The following CMKLR2 variants were observed in gnomAD, a reference collection of about 807,000 sequenced individuals.
CMKLR2 encodes the protein chemerin chemokine-like receptor 2.
A neutral mutation model predicts 23.0 loss-of-function variants in CMKLR2; 18 were observed. That is an observed-to-expected ratio of 0.78 (90% CI 0.54 to 1.16). The LOEUF (loss-of-function observed/expected upper bound fraction) is 1.16, where lower values mean the gene tolerates loss of function less well. CMKLR2 is among the 50% of genes most tolerant of loss of function. The pLI is 0.00. For synonymous variants in CMKLR2, 158 were observed against 158.9 expected (o/e 0.99, Z 0.05); for missense variants, 401 against 412.7 (o/e 0.97, Z 0.25).
At chr2:206,189,538 GGGA>G (rs1015587561) in intron 1 of CMKLR2, among the ~76,000 whole-genome samples, 2 of 152,104 alleles carry the variant, frequency 1.3e-5, no homozygotes, top group African/African-American at 4.8e-5. Context: ...AGGAGGCTGA[GGGA>G]GGAGAATTGC....
chr2:206,193,043 GA>G (rs1403258988), intron 1 of CMKLR2, among the ~76,000 whole-genome samples: 1 of 152,086 alleles, frequency 6.6e-6, no homozygotes, highest in Non-Finnish European at 1.5e-5. Flanking sequence ...TACAGCCATT[GA>G]TTTTTTTTCT....
intron 1 of CMKLR2, among the ~76,000 whole-genome samples, chr2:206,184,903 A>G (rs937174356): frequency 6.6e-6 from 1 of 152,230 alleles, no homozygotes; most frequent in African/African-American, 2.4e-5. Flanking sequence ...ATAAAATTAC[A>G]TTGTATATTA....
Position 206,176,520 on chromosome 2 carries a change from C to A in CMKLR2, c.728G>T (p.Arg243Met). ...CACAACCAGAATTGTCCAGAAATGC[C>A]TACTGGAGATCAGGATGCTTCGCTT... is the stretch of plus-strand genomic sequence containing the variant. ...VKKRSILISS[R>M]HFWTILVVVV... The change falls in exon 2 of 2, where the codon AGG (arginine) becomes ATG (methionine). Residue 243 changes from arginine (R) to methionine (M), a missense_variant. Coordinates refer to ENST00000621141, the MANE Select transcript of CMKLR2 (RefSeq NM_001389445.1). 1.2e-6 allele frequency: 2 copies of A among 1,614,072 alleles called. No individual in the cohort carries two copies. The highest frequency in any genetic ancestry group is 1.7e-6 in the Non-Finnish European group (2 of 1,179,992).
chr2:206,214,815 C>CG (rs1689700389), upstream of CMKLR2, among the ~76,000 whole-genome samples: 2 of 151,604 alleles, frequency 1.3e-5, no homozygotes, highest in African/African-American at 4.8e-5. Flanking sequence ...TTAGTAGAGA[C>CG]GGGGTTTCAC....
At chr2:206,206,227 G>T (rs992123095) in intron 1 of CMKLR2, among the ~76,000 whole-genome samples, 1 of 152,166 alleles carries the variant, frequency 6.6e-6, no homozygotes, top group African/African-American at 2.4e-5. Flanking sequence ...GTAAAGAACT[G>T]TAATTAAGTA....
At chr2:206,203,794 A>G (rs994587937) in intron 1 of CMKLR2, 13 of 152,378 alleles carry the variant, frequency 8.5e-5, no homozygotes, top group African/African-American at 3.1e-4. Flanking sequence ...ATGTGCCACC[A>G]TGCCCAGCTT....
intron 1 of CMKLR2, among the ~76,000 whole-genome samples, chr2:206,184,301 T>TC (rs201723251): frequency 0.026 from 3,005 of 114,896 alleles, 71 homozygotes; most frequent in African/African-American, 0.067. Context: ...TCTCTCTCTC[T>TC]TTTTTTTTTT....
At chr2:206,215,248 G>C (rs949470239), upstream of CMKLR2, among the ~76,000 whole-genome samples, 1 of 152,118 alleles carries the variant, frequency 6.6e-6, no homozygotes, top group African/African-American at 2.4e-5. Context: ...TCAGTGAAGG[G>C]GGTACTTAGT....
chr2:206,210,422 A>C (rs898895706), intron 1 of CMKLR2, among the ~76,000 whole-genome samples: 2 of 149,776 alleles, frequency 1.3e-5, no homozygotes, highest in African/African-American at 4.9e-5. Flanking sequence ...GGTTGATTCC[A>C]GGTCTTTGCT....
chr2:206,214,816 G>C (rs1195055010), upstream of CMKLR2, among the ~76,000 whole-genome samples: 1 of 151,518 alleles, frequency 6.6e-6, no homozygotes, highest in Non-Finnish European at 1.5e-5. Context: ...TAGTAGAGAC[G>C]GGGTTTCACC....
intron 1 of CMKLR2, among the ~76,000 whole-genome samples, chr2:206,184,400 G>A (rs1354186913): frequency 2.6e-5 from 4 of 151,194 alleles, no homozygotes; most frequent in East Asian, 3.9e-4. Context: ...GGTTTCAAGC[G>A]ATTCTTCTGC....
chr2:206,195,563 A>G (rs1164583051), intron 1 of CMKLR2, among the ~76,000 whole-genome samples: 1 of 152,178 alleles, frequency 6.6e-6, no homozygotes, highest in East Asian at 1.9e-4. Flanking sequence ...ATCATCCTTC[A>G]AGGGCAAGAC....
intron 1 of CMKLR2, among the ~76,000 whole-genome samples, chr2:206,196,391 A>AAAT (rs1688922208): frequency 6.6e-6 from 1 of 151,176 alleles, no homozygotes; most frequent in Admixed American, 6.6e-5. Flanking sequence ...AATAAAAATA[A>AAAT]AAATAAATAA....
At chr2:206,205,801 G>A (rs561687466) in intron 1 of CMKLR2, among the ~76,000 whole-genome samples, 123 of 152,158 alleles carry the variant, frequency 8.1e-4, no homozygotes, top group African/African-American at 2.7e-3. Flanking sequence ...CCAGGTTCAA[G>A]CGATTCTCCT....
chr2:206,188,173 C>A, intron 1 of CMKLR2, among the ~76,000 whole-genome samples: 1 of 152,134 alleles, frequency 6.6e-6, no homozygotes. Flanking sequence ...ACCTCAAGTG[C>A]TCCATCCCCT....
At chr2:206,185,704 T>A (rs912326298) in intron 1 of CMKLR2, among the ~76,000 whole-genome samples, 1 of 152,168 alleles carries the variant, frequency 6.6e-6, no homozygotes, top group African/African-American at 2.4e-5. Flanking sequence ...ATTATTGCAA[T>A]AATCCTGGCC....
chr2:206,204,447 C>T (rs1469366722), intron 1 of CMKLR2, among the ~76,000 whole-genome samples: 2 of 151,618 alleles, frequency 1.3e-5, no homozygotes, highest in Non-Finnish European at 2.9e-5. Context: ...ACATGACTTA[C>T]ATGACTTTGC....
At position 206,193,243 on chromosome 2, in the gene CMKLR2, T is replaced by C. The variant is rs116863268; in HGVS notation, c.-28-15968A>G. ...CCTCCTGAGTAGCTAGGATTACAGG[T>C]ATCCGCCACCATGCCCAGTTAGCTT... On this transcript the variant is annotated intron_variant, in intron 1 of 1. Transcript: ENST00000621141. Among the ~76,000 whole-genome samples the C allele has an allele frequency of 9.9e-4, 151 of 152,250 alleles. 2 individuals are homozygous for C. In the East Asian group the frequency reaches 0.021, roughly 22 times the overall value.
At chr2:206,186,393 G>A (rs1338771545) in intron 1 of CMKLR2, among the ~76,000 whole-genome samples, 3 of 152,108 alleles carry the variant, frequency 2.0e-5, no homozygotes, top group Non-Finnish European at 4.4e-5. Context: ...TTACAGGTGT[G>A]AGCCACCGCG....
Sources: allele counts gnomAD v4.1 joint callset (sites outside exome capture counted in the v4.1 genomes callset), GRCh38; gene constraint gnomAD v4.1.1; transcripts MANE v1.5; gene names NCBI Gene and HGNC (gene_info 2026-07-23, HGNC 2026-07-21).